The following GPM6A variants were observed in gnomAD, a reference collection of about 807,000 sequenced individuals.
GPM6A encodes the protein glycoprotein M6A, also known as neuronal membrane glycoprotein M6-a.
In GPM6A, 7 loss-of-function variants were observed where a neutral mutation model predicts 32.1. That is an observed-to-expected ratio of 0.22 (90% CI 0.12 to 0.41). The LOEUF (loss-of-function observed/expected upper bound fraction) is 0.41, where lower values mean the gene tolerates loss of function less well. GPM6A is among the 10% of genes least tolerant of loss of function. GPM6A has a pLI of 1.00. For synonymous variants in GPM6A, 130 were observed against 123.4 expected (o/e 1.05, Z -0.35); for missense variants, 235 against 347.2 (o/e 0.68, Z 2.57).
intron 1 of GPM6A, chr4:175,807,561 T>A (rs1734742960): frequency 6.6e-6 from 1 of 152,212 alleles, no homozygotes. Flanking sequence ...TTTTCCCCGT[T>A]CTCAAGAAAG....
At chr4:175,900,981 T>G (rs1469952449) in intron 1 of GPM6A, among the ~76,000 whole-genome samples, 1 of 152,162 alleles carries the variant, frequency 6.6e-6, no homozygotes, top group African/African-American at 2.4e-5. Context: ...ACAGCATGGA[T>G]AGAGCTGGAG....
intron 1 of GPM6A, among the ~76,000 whole-genome samples, chr4:175,857,150 G>A (rs1356530979): frequency 6.6e-6 from 1 of 152,054 alleles, no homozygotes; most frequent in African/African-American, 2.4e-5. Flanking sequence ...ACTTAAAGCT[G>A]TTGTAAAAAT....
chr4:175,783,380 C>A (rs986744652), intron 1 of GPM6A, among the ~76,000 whole-genome samples: 3 of 151,794 alleles, frequency 2.0e-5, no homozygotes, highest in South Asian at 2.1e-4. Context: ...ATCAGAAATT[C>A]TTTTAATCCT....
chr4:175,696,991 T>C (rs1380281394), intron 2 of GPM6A, among the ~76,000 whole-genome samples: 1 of 152,180 alleles, frequency 6.6e-6, no homozygotes. Flanking sequence ...GTGCATGCAA[T>C]ATTAAAGAAT....
At chr4:175,647,917 C>T (rs75537882) in intron 4 of GPM6A, among the ~76,000 whole-genome samples, 2,627 of 152,054 alleles carry the variant, frequency 0.017, 73 homozygotes, top group African/African-American at 0.059. Context: ...CTAAACAGAA[C>T]GTCTTAATAG....
intron 1 of GPM6A, among the ~76,000 whole-genome samples, chr4:175,873,853 T>C (rs1736996842): frequency 6.6e-6 from 1 of 152,224 alleles, no homozygotes; most frequent in Admixed American, 6.5e-5. Flanking sequence ...CTTTAGTGTG[T>C]CATAAAGTTA....
At chr4:175,715,205 C>T (rs572916544) in intron 1 of GPM6A, among the ~76,000 whole-genome samples, 1 of 152,136 alleles carries the variant, frequency 6.6e-6, no homozygotes, top group Non-Finnish European at 1.5e-5. Flanking sequence ...AATACTCATT[C>T]ATTCATTTCT....
At chr4:175,675,233 TTATATGTA>T (rs1743298864) in intron 2 of GPM6A, among the ~76,000 whole-genome samples, 1 of 150,654 alleles carries the variant, frequency 6.6e-6, no homozygotes. Context: ...TTTATTTATT[TTATATGTA>T]TATATGTATA....
chr4:175,782,644 C>T (rs1050962050), intron 1 of GPM6A, among the ~76,000 whole-genome samples: 3 of 152,080 alleles, frequency 2.0e-5, no homozygotes, highest in African/African-American at 7.2e-5. Context: ...CTAGTAGAAA[C>T]ACAAGTCATG....
intron 1 of GPM6A, among the ~76,000 whole-genome samples, chr4:175,886,658 C>T (rs1290797525): frequency 6.6e-6 from 1 of 150,506 alleles, no homozygotes; most frequent in Non-Finnish European, 1.5e-5. Flanking sequence ...GAGTTAAAAA[C>T]ATTTGATCAA....
intron 1 of GPM6A, among the ~76,000 whole-genome samples, chr4:175,883,899 A>C (rs570167513): frequency 6.6e-6 from 1 of 152,226 alleles, no homozygotes; most frequent in Non-Finnish European, 1.5e-5. Flanking sequence ...TTTTACAACC[A>C]ATTTGCATAA....
chr4:175,696,595 G>A (rs1001758633), intron 2 of GPM6A, among the ~76,000 whole-genome samples: 2 of 152,122 alleles, frequency 1.3e-5, no homozygotes, highest in African/African-American at 4.8e-5. Context: ...CATTATGTTT[G>A]ACTCCCCAAG....
chr4:175,797,480 A>G (rs1342582735), intron 1 of GPM6A, among the ~76,000 whole-genome samples: 5 of 152,158 alleles, frequency 3.3e-5, no homozygotes, highest in African/African-American at 1.2e-4. Flanking sequence ...TCCCATGTAT[A>G]TGGAATACAT....
intron 4 of GPM6A, 44 bp from the exon 5 acceptor site, chr4:175,640,873 G>T: frequency 8.1e-7 from 1 of 1,235,310 alleles, no homozygotes; most frequent in Non-Finnish European, 1.2e-6. Context: ...TAAATGTTTT[G>T]AAGAGCCAAG....
intron 1 of GPM6A, among the ~76,000 whole-genome samples, chr4:175,718,909 T>C (rs1156304660): frequency 6.6e-6 from 1 of 152,116 alleles, no homozygotes; most frequent in Non-Finnish European, 1.5e-5. Context: ...TAAATACTGA[T>C]TATGAATTCA....
intron 1 of GPM6A, among the ~76,000 whole-genome samples, chr4:175,784,026 G>C (rs1733706122): frequency 2.0e-5 from 3 of 152,016 alleles, no homozygotes. Context: ...TTTGAAACGG[G>C]AAAAATAGTA....
chr4:175,835,837 T>A (rs544476935), intron 1 of GPM6A, among the ~76,000 whole-genome samples: 2 of 149,138 alleles, frequency 1.3e-5, no homozygotes, highest in South Asian at 4.2e-4. Context: ...AATTTATATA[T>A]TATAAATATT....
intron 1 of GPM6A, chr4:175,947,638 T>G (rs1286026659): frequency 2.0e-5 from 3 of 152,190 alleles, no homozygotes; most frequent in Non-Finnish European, 4.4e-5. Flanking sequence ...GTTCTTGCAT[T>G]CATTACCTCA....
intron 1 of GPM6A, among the ~76,000 whole-genome samples, chr4:175,755,055 T>C (rs969387151): frequency 1.2e-4 from 18 of 152,254 alleles, no homozygotes; most frequent in African/African-American, 3.4e-4. Flanking sequence ...AAAAAAATTT[T>C]TTTGTGTAAT....
Sources: gnomAD v4.1 joint callset for allele counts (sites outside exome capture counted in the v4.1 genomes callset) on GRCh38, gnomAD v4.1.1 for gene constraint, MANE v1.5 for transcripts, NCBI Gene and HGNC (gene_info 2026-07-23, HGNC 2026-07-21) for gene names.